KDM4C: variants seen among roughly 807,000 people sequenced by gnomAD.
The protein encoded by KDM4C is lysine-specific demethylase 4C.
In KDM4C, 81 loss-of-function variants were observed where a neutral mutation model predicts 129.3. The ratio of observed to expected loss-of-function variants is 0.63; its 90% CI spans 0.52 to 0.75. The LOEUF (loss-of-function observed/expected upper bound fraction) is 0.75. Ranked by LOEUF, KDM4C falls within the 30% of genes least tolerant of loss-of-function variation. The pLI is 0.00. For synonymous variants in KDM4C, 573 were observed against 456.1 expected (o/e 1.26, Z -3.26); for missense variants, 1,457 against 1,304.0 (o/e 1.12, Z -1.81).
chr9:6,773,224 A>T (rs1822264378), intron 1 of KDM4C, among the ~76,000 whole-genome samples: 1 of 150,314 alleles, frequency 6.7e-6, no homozygotes, highest in African/African-American at 2.5e-5. Context: ...CTTATCTCGA[A>T]CTCCTGAGCT....
At chr9:6,877,921 T>A (rs1843814752) in intron 5 of KDM4C, among the ~76,000 whole-genome samples, 1 of 152,196 alleles carries the variant, frequency 6.6e-6, no homozygotes, top group Non-Finnish European at 1.5e-5. Flanking sequence ...ACTTTCAAAG[T>A]TATTTGTATA....
At chr9:6,923,706 T>C (rs925577625) in intron 8 of KDM4C, among the ~76,000 whole-genome samples, 2 of 152,218 alleles carry the variant, frequency 1.3e-5, no homozygotes, top group African/African-American at 4.8e-5. Flanking sequence ...GTCATTAATA[T>C]AATTCCATCA....
chr9:6,784,832 C>G (rs993488988), intron 1 of KDM4C, among the ~76,000 whole-genome samples: 2 of 152,232 alleles, frequency 1.3e-5, no homozygotes, highest in Non-Finnish European at 1.5e-5. Flanking sequence ...GGGGCCCTTT[C>G]AAGCCCTCTT....
At chr9:7,170,603 G>T (rs1310343578) in intron 21 of KDM4C, 1 of 953,360 alleles carries the variant, frequency 1.0e-6, no homozygotes, top group African/African-American at 1.8e-5. Flanking sequence ...ACCCTGAAAT[G>T]AAGTCAGTTT....
intron 17 of KDM4C, among the ~76,000 whole-genome samples, chr9:7,054,709 T>C (rs1359851500): frequency 6.6e-6 from 1 of 152,232 alleles, no homozygotes; most frequent in East Asian, 1.9e-4. Context: ...GAATGTTTAT[T>C]GTATACATTG....
chr9:6,954,311 T>C (rs999998544), intron 8 of KDM4C, among the ~76,000 whole-genome samples: 2 of 152,340 alleles, frequency 1.3e-5, no homozygotes, highest in Non-Finnish European at 2.9e-5. Context: ...GTCTTCATAG[T>C]ATGTTTGTTT....
Position 7,173,880 on chromosome 9 carries a change from C to T in KDM4C, c.2995-673C>T, listed in dbSNP as rs551468793. On this transcript the variant is annotated intron_variant, in intron 21 of 21. Coordinates refer to ENST00000381309, the MANE Select transcript of KDM4C (RefSeq NM_015061.6). ...CTGGAGCAGATGTGAGCATCTCCTG[C>T]AGACACTGAAGCCAGGGGTGTGGGC... 1.2e-3 allele frequency among the ~76,000 whole-genome samples: 190 copies of T among 152,292 alleles called. 1 individual carries two copies. Among genetic ancestry groups the T allele is most frequent in the African/African-American group, 4.2e-3 (174 of 41,560 alleles).
chr9:7,090,545 G>A (rs1462244306), intron 17 of KDM4C, among the ~76,000 whole-genome samples: 1 of 152,144 alleles, frequency 6.6e-6, no homozygotes, highest in East Asian at 1.9e-4. Context: ...ATTTGGTCAG[G>A]TTTAAAATGT....
intron 4 of KDM4C, among the ~76,000 whole-genome samples, chr9:6,839,728 C>CT (rs1185701634): frequency 6.6e-6 from 1 of 152,010 alleles, no homozygotes; most frequent in Non-Finnish European, 1.5e-5. Flanking sequence ...TGGTGAAACC[C>CT]TGTCTCTACT....
intron 8 of KDM4C, among the ~76,000 whole-genome samples, chr9:6,943,198 A>G (rs946971013): frequency 5.9e-5 from 9 of 151,884 alleles, no homozygotes; most frequent in Non-Finnish European, 1.3e-4. Flanking sequence ...ACTGATTTTT[A>G]TTCTTTTTTT....
chr9:6,887,498 G>C (rs1845481830), intron 6 of KDM4C, among the ~76,000 whole-genome samples: 1 of 152,140 alleles, frequency 6.6e-6, no homozygotes. Context: ...GAAAGGTGGG[G>C]GAACTACTCT....
At chr9:6,846,048 C>G (rs1355770263) in intron 4 of KDM4C, among the ~76,000 whole-genome samples, 1 of 152,172 alleles carries the variant, frequency 6.6e-6, no homozygotes, top group African/African-American at 2.4e-5. Context: ...GCAGTGTAAG[C>G]CTTGCTGGTA....
chr9:7,063,930 G>A (rs141916165), intron 17 of KDM4C, among the ~76,000 whole-genome samples: 2 of 152,322 alleles, frequency 1.3e-5, no homozygotes, highest in African/African-American at 4.8e-5. Context: ...GTCTCAAGAA[G>A]TTCTAGGTTC....
chr9:6,884,805 G>A (rs1054845744), intron 6 of KDM4C, among the ~76,000 whole-genome samples: 5 of 152,064 alleles, frequency 3.3e-5, no homozygotes, highest in African/African-American at 4.8e-5. Context: ...ATACTATAGC[G>A]TGTGTTTGTA....
chr9:7,136,345 T>C (rs10739116), intron 19 of KDM4C, among the ~76,000 whole-genome samples: 129,779 of 152,232 alleles, frequency 0.85, 55,638 homozygotes, highest in African/African-American at 0.92. Context: ...GGGTAAAGAC[T>C]TAGGAGTGAG....
intron 19 of KDM4C, among the ~76,000 whole-genome samples, chr9:7,138,118 G>A (rs1488209007): frequency 1.3e-5 from 2 of 152,204 alleles, no homozygotes; most frequent in African/African-American, 4.8e-5. Flanking sequence ...GGCAAATGGA[G>A]AAGAGGAATG....
At chr9:7,016,778 C>A (rs1349841819) in intron 15 of KDM4C, among the ~76,000 whole-genome samples, 1 of 152,076 alleles carries the variant, frequency 6.6e-6, no homozygotes, top group African/African-American at 2.4e-5. Flanking sequence ...CAGGGACTGT[C>A]AATTTATCGT....
At chr9:6,941,228 C>G (rs965820368) in intron 8 of KDM4C, among the ~76,000 whole-genome samples, 1 of 152,178 alleles carries the variant, frequency 6.6e-6, no homozygotes, top group Non-Finnish European at 1.5e-5. Context: ...GGGCTGGTCT[C>G]AAACTCCTGA....
At chr9:6,766,474 C>T (rs1057217735) in intron 1 of KDM4C, among the ~76,000 whole-genome samples, 4 of 151,766 alleles carry the variant, frequency 2.6e-5, no homozygotes, top group South Asian at 2.1e-4. Context: ...GTGGGGGTCT[C>T]GGTGTGGGAC....
Sources: allele counts gnomAD v4.1 joint callset (sites outside exome capture counted in the v4.1 genomes callset), GRCh38; gene constraint gnomAD v4.1.1; transcripts MANE v1.5; gene names NCBI Gene and HGNC (gene_info 2026-07-23, HGNC 2026-07-21).